Variants in DRC9 observed in about 807,000 individuals in gnomAD.
DRC9 encodes the protein dynein regulatory complex protein 9.
At chr3:197,954,047 T>C in the DRC9 span, 1 of 1,613,892 alleles carries the variant, frequency 6.2e-7, no homozygotes, top group Non-Finnish European at 8.5e-7. Context: ...ACCAGAGTCA[T>C]CTGGGGAAAA....
At chr3:197,902,755 T>C in the DRC9 span, among the ~76,000 whole-genome samples, 11 of 152,262 alleles carry the variant, frequency 7.2e-5, no homozygotes, top group South Asian at 2.3e-3. Flanking sequence ...TGTACATTAC[T>C]ACCCAAAGCA....
At chr3:197,956,026 T>C in the DRC9 span, 1 of 478,730 alleles carries the variant, frequency 2.1e-6, no homozygotes, top group East Asian at 3.9e-5. Flanking sequence ...TGGAGTGTAG[T>C]GGTGCTCGCT....
At chr3:197,934,483 C>A in the DRC9 span, among the ~76,000 whole-genome samples, 2 of 152,086 alleles carry the variant, frequency 1.3e-5, no homozygotes, top group African/African-American at 4.8e-5. Flanking sequence ...CGGCGCCCGG[C>A]CAAACGTTCA....
the DRC9 span, among the ~76,000 whole-genome samples, chr3:197,919,738 A>G: frequency 6.6e-6 from 1 of 152,170 alleles, no homozygotes; most frequent in Admixed American, 6.5e-5. Flanking sequence ...AACTGTACAT[A>G]AAGTACAGAA....
chr3:197,945,512 G>C, the DRC9 span: 4 of 739,980 alleles, frequency 5.4e-6, no homozygotes, highest in South Asian at 7.0e-5. Flanking sequence ...AAGTCACTAA[G>C]TTCTGGGGTA....
chr3:197,953,770 T>G, the DRC9 span: 1 of 593,396 alleles, frequency 1.7e-6, no homozygotes, highest in Non-Finnish European at 3.0e-6. Flanking sequence ...TTAAACTTAC[T>G]TGGTTATCAT....
the DRC9 span, among the ~76,000 whole-genome samples, chr3:197,940,409 G>T: frequency 6.6e-6 from 1 of 151,812 alleles, no homozygotes; most frequent in Non-Finnish European, 1.5e-5. Context: ...AGTATTCCCT[G>T]CAAGAAAACT....
chr3:197,928,127 G>A, the DRC9 span, among the ~76,000 whole-genome samples: 2 of 151,906 alleles, frequency 1.3e-5, no homozygotes, highest in South Asian at 2.1e-4. Context: ...AGTATGAAGA[G>A]AAATAAAAAT....
At chr3:197,945,009 G>A in the DRC9 span, among the ~76,000 whole-genome samples, 1 of 152,184 alleles carries the variant, frequency 6.6e-6, no homozygotes, top group Non-Finnish European at 1.5e-5. Flanking sequence ...CATGATGAGT[G>A]AAAAACAGAA....
chr3:197,920,537 G>C, the DRC9 span, among the ~76,000 whole-genome samples: 3 of 152,052 alleles, frequency 2.0e-5, no homozygotes, highest in African/African-American at 7.2e-5. Context: ...GGCCAGCCTG[G>C]ACAACATGGC....
chr3:197,905,884 A>G, the DRC9 span, among the ~76,000 whole-genome samples: 2 of 151,652 alleles, frequency 1.3e-5, no homozygotes, highest in Non-Finnish European at 2.9e-5. Flanking sequence ...TCAATTAATG[A>G]AAAAAAAATC....
chr3:197,895,169 C>CA, the DRC9 span, among the ~76,000 whole-genome samples: 90 of 151,822 alleles, frequency 5.9e-4, no homozygotes, highest in Middle Eastern at 3.4e-3. Context: ...AACAAACAAA[C>CA]AAAAAAAACA....
the DRC9 span, chr3:197,956,789 C>T: frequency 1.3e-5 from 2 of 152,136 alleles, no homozygotes; most frequent in South Asian, 4.1e-4. Flanking sequence ...GCAGCCACAA[C>T]CAGTTAACTT....
the DRC9 span, among the ~76,000 whole-genome samples, chr3:197,892,134 C>T: frequency 6.6e-6 from 1 of 152,358 alleles, no homozygotes; most frequent in East Asian, 1.9e-4. Flanking sequence ...TACTGATCTG[C>T]TCGCCTCGGC....
chr3:197,948,613 A>T, the DRC9 span, among the ~76,000 whole-genome samples: 3 of 152,254 alleles, frequency 2.0e-5, no homozygotes, highest in Non-Finnish European at 4.4e-5. Flanking sequence ...TGACAAATCA[A>T]TATCTAATAG....
the DRC9 span, chr3:197,926,085 T>A: frequency 1.1e-5 from 18 of 1,572,118 alleles, no homozygotes; most frequent in Non-Finnish European, 1.6e-5. Flanking sequence ...TGATATTATC[T>A]GTTTTCTTCC....
chr3:197,925,287 G>T, the DRC9 span, among the ~76,000 whole-genome samples: 3 of 120,394 alleles, frequency 2.5e-5, no homozygotes, highest in Non-Finnish European at 5.2e-5. Context: ...GGGAGGGTGG[G>T]GGTGTATGTG....
the DRC9 span, among the ~76,000 whole-genome samples, chr3:197,948,963 T>C: frequency 1.3e-5 from 2 of 152,180 alleles, no homozygotes; most frequent in African/African-American, 2.4e-5. Flanking sequence ...TTTGTCAATA[T>C]AGAAGTCAGA....
chr3:197,898,561 C>G, the DRC9 span, among the ~76,000 whole-genome samples: 1 of 152,182 alleles, frequency 6.6e-6, no homozygotes, highest in Non-Finnish European at 1.5e-5. Flanking sequence ...CTGATAAAGG[C>G]ATATCGGAGA....
Sources: gnomAD v4.1 joint callset for allele counts (sites outside exome capture counted in the v4.1 genomes callset) on GRCh38, gnomAD v4.1.1 for gene constraint, MANE v1.5 for transcripts, NCBI Gene and HGNC (gene_info 2026-07-23, HGNC 2026-07-21) for gene names.